The following ZNF432 variants were observed in gnomAD, a reference collection of about 807,000 sequenced individuals.
ZNF432 encodes the protein zinc finger protein 432.
A neutral mutation model predicts 13.9 loss-of-function variants in ZNF432; 10 were observed. That is an observed-to-expected ratio of 0.72 (90% CI 0.44 to 1.22). The LOEUF is 1.22. Among genes scored for constraint, ZNF432 ranks in the 50% most tolerant of loss-of-function variants. ZNF432 has a pLI of 0.00. For synonymous variants in ZNF432, 247 were observed against 256.2 expected, an observed-to-expected ratio of 0.96 and a Z score of 0.34; for missense variants, 793 against 796.2, an observed-to-expected ratio of 1.00 and a Z score of 0.05.
intron 1 of ZNF432, among the ~76,000 whole-genome samples, chr19:52,047,687 ATGTT>A (rs1456077448): frequency 6.7e-6 from 1 of 148,284 alleles, no homozygotes; most frequent in Admixed American, 6.7e-5. Context: ...AAAAAAAAAA[ATGTT>A]TATATACACA....
At chr19:52,041,699 C>A in intron 2 of ZNF432, 93 bp from the exon 3 acceptor site, 2 of 1,453,344 alleles carry the variant, frequency 1.4e-6, no homozygotes, top group South Asian at 1.2e-5. Context: ...TCACATTAAA[C>A]ATATAGACTG....
rs1310245488 is a variant in ZNF432, at chr19:52,034,815, G to A, written c.864C>T (p.Pro288=). ...EHQRTHTGEK[P]YICNECGKGF... is the part of the protein sequence containing the mutation. The stretch of plus-strand genomic sequence containing the variant: ...CTTTTCCACATTCATTGCATATGTA[G>A]GGTTTCTCTCCAGTATGAGTTCGCT... The change falls in exon 5 of 5, where the codon CCC becomes CCT. Residue 288 remains proline (P), a synonymous_variant. Coordinates refer to ENST00000221315, the MANE Select transcript of ZNF432 (RefSeq NM_014650.4). The A allele has an allele frequency of 6.2e-7, 1 of 1,612,776 alleles. No individual in the cohort carries two copies. The highest frequency in any genetic ancestry group is 8.5e-7 in the Non-Finnish European group (1 of 1,179,388).
intron 2 of ZNF432, among the ~76,000 whole-genome samples, chr19:52,043,782 G>A (rs1021310660): frequency 2.2e-4 from 34 of 152,330 alleles, no homozygotes; most frequent in East Asian, 1.2e-3. Flanking sequence ...ATGTGTATGC[G>A]TATCTAAAAG....
chr19:52,046,683 C>T (rs963730979), intron 2 of ZNF432, among the ~76,000 whole-genome samples, 171 bp downstream of exon 2: 64 of 152,308 alleles, frequency 4.2e-4, no homozygotes, highest in African/African-American at 1.4e-3. Context: ...TATTTTCCAA[C>T]ATCAGTCATT....
At chr19:52,046,122 GAT>G (rs2087180481) in intron 2 of ZNF432, among the ~76,000 whole-genome samples, 1 of 151,714 alleles carries the variant, frequency 6.6e-6, no homozygotes, top group Admixed American at 6.6e-5. Flanking sequence ...AATGCAGAAG[GAT>G]ATTGTATATT....
chr19:52,043,300 A>C (rs1415165586), intron 2 of ZNF432, among the ~76,000 whole-genome samples: 1 of 152,216 alleles, frequency 6.6e-6, no homozygotes, highest in African/African-American at 2.4e-5. Flanking sequence ...TGCTGTGTCA[A>C]ACTCAGGGTT....
chr19:52,041,806 G>A (rs1342258536), intron 2 of ZNF432, among the ~76,000 whole-genome samples, 200 bp from the exon 3 acceptor site: 2 of 151,984 alleles, frequency 1.3e-5, no homozygotes, highest in African/African-American at 2.4e-5. Flanking sequence ...CAAAAATTAA[G>A]GTTTTATATC....
Position 52,033,092 on chromosome 19 carries a change from G to C in ZNF432, c.*628C>G, listed in dbSNP as rs1431611315. On this transcript the variant is annotated 3_prime_UTR_variant, in exon 5 of 5. Coordinates refer to ENST00000221315, the MANE Select transcript of ZNF432 (RefSeq NM_014650.4). ...CTCAGTAAATACTTTTCAAGACATAGTTACTTAGAAAATTTTCAAGACTTT... is the reference window on the plus strand; with the variant it reads ...CTCAGTAAATACTTTTCAAGACATACTTACTTAGAAAATTTTCAAGACTTT... 6.6e-6 allele frequency: 1 copy of C among 152,242 alleles called. No individual in the cohort carries two copies. Among genetic ancestry groups the C allele is most frequent in the Non-Finnish European group, 1.5e-5 (1 of 68,102 alleles). The allele number at this position is 152,242 out of a possible 1,614,324, so 9.4% of individuals were successfully genotyped here. A position where few individuals can be genotyped will look rare whatever the true frequency, so the allele number is the denominator to read the frequency against.
rs143578339 is a variant in ZNF432, at chr19:52,040,499, C to T, written c.227G>A (p.Arg76Gln). 2.2e-5 allele frequency: 35 copies of T among 1,613,924 alleles called. No individual in the cohort carries two copies. The highest frequency in any genetic ancestry group is 1.5e-4 in the African/African-American group (11 of 74,912). The part of the protein sequence containing the change: ...PWTMEDERHS[R>Q]ICPENNEVDD... ...TGCTTCTCACATACCTGGACAGATT[C>T]GACTGTGCCTTTCATCTTCCATTGT... is the stretch of plus-strand genomic sequence containing the variant. The change falls in exon 4 of 5, where the codon CGA (arginine) becomes CAA (glutamine). Residue 76 changes from arginine to glutamine, a missense_variant. Arg to Gln is a conservative substitution (Grantham distance 43). Transcript: ENST00000221315.
At chr19:52,046,519 C>G (rs183026938) in intron 2 of ZNF432, among the ~76,000 whole-genome samples, 4 of 152,118 alleles carry the variant, frequency 2.6e-5, no homozygotes, top group East Asian at 1.9e-4. Flanking sequence ...TTCTTGAGAT[C>G]TAAGTGCCAT....
chr19:52,041,786 A>C (rs1164991796), intron 2 of ZNF432, among the ~76,000 whole-genome samples, 180 bp from the exon 3 acceptor site: 1 of 152,182 alleles, frequency 6.6e-6, no homozygotes, highest in Non-Finnish European at 1.5e-5. Flanking sequence ...ACAGTGCCCC[A>C]TTTGCTCAAC....
chr19:52,032,226 T>C lies in ZNF432; in HGVS notation c.*1494A>G, dbSNP rs2087020848. 6.6e-6 allele frequency: 1 copy of C among 152,022 alleles called. No individual in the cohort carries two copies. Among genetic ancestry groups the C allele is most frequent in the African/African-American group, 2.4e-5 (1 of 41,360 alleles). The allele number at this position is 152,022 out of a possible 1,614,324, so 9.4% of individuals were successfully genotyped here. On this transcript the variant is annotated 3_prime_UTR_variant, in exon 5 of 5. Transcript: ENST00000221315. ...TTATCAGTAAATTGAAAAAAATAAATTTGGGGCCTATAATATGTAAGAACT... is the reference window on the plus strand; with the variant it reads ...TTATCAGTAAATTGAAAAAAATAAACTTGGGGCCTATAATATGTAAGAACT...
chr19:52,048,442 A>G (rs2123167005), intron 1 of ZNF432: 1 of 152,158 alleles, frequency 6.6e-6, no homozygotes, highest in East Asian at 1.9e-4. Flanking sequence ...ACAATCCCTG[A>G]CCTCAGTACT....
In ZNF432 at chr19:52,035,066, G is replaced by A; in HGVS notation, c.613C>T (p.His205Tyr). The change falls in exon 5 of 5, where the codon CAC (histidine) becomes TAC (tyrosine). Residue 205 changes from histidine (H) to tyrosine (Y), a missense_variant. His to Tyr is a moderately conservative substitution (Grantham distance 83, BLOSUM62 2). Coordinates refer to ENST00000221315, the MANE Select transcript of ZNF432 (RefSeq NM_014650.4). ...GCTTTCCCACATTCACTGCATACGTGGTTTTTTTCTATTTCATGAGTTCTC... is the reference window on the plus strand; with the variant it reads ...GCTTTCCCACATTCACTGCATACGTAGTTTTTTTCTATTTCATGAGTTCTC... ...HQRTHEIEKNHVCSECGKAFV... is the reference protein window; with the variant it reads ...HQRTHEIEKNYVCSECGKAFV... The A allele has an allele frequency of 1.2e-6, 2 of 1,613,980 alleles. No homozygotes were observed. The highest frequency in any genetic ancestry group is 1.7e-6 in the Non-Finnish European group (2 of 1,180,002).
At position 52,034,676 on chromosome 19, in the gene ZNF432, G is replaced by GTA; in HGVS notation, c.1001_1002dup (p.His335TyrfsTer51). ...TTCTCTCCTGTATGAGTTCGCTGAT[G>GTA]TATAATAAGCATGCTCTTCCCAGTG... On this transcript the variant is annotated frameshift_variant, in exon 5 of 5. Coordinates refer to ENST00000221315, the MANE Select transcript of ZNF432 (RefSeq NM_014650.4). LOFTEE classifies it low-confidence loss of function (END_TRUNC). The GTA allele has an allele frequency of 6.2e-7, 1 of 1,613,910 alleles. No homozygotes were observed. The highest frequency in any genetic ancestry group is 1.1e-5 in the South Asian group (1 of 91,030).
intron 3 of ZNF432, among the ~76,000 whole-genome samples, chr19:52,041,226 G>C (rs1307603052): frequency 6.6e-6 from 1 of 152,200 alleles, no homozygotes; most frequent in Non-Finnish European, 1.5e-5. Flanking sequence ...GAGGAGGTGT[G>C]TGTAGGTTAT....
At chr19:52,048,381 C>A (rs2087214164) in intron 1 of ZNF432, among the ~76,000 whole-genome samples, 1 of 152,226 alleles carries the variant, frequency 6.6e-6, no homozygotes, top group Admixed American at 6.5e-5. Context: ...CAAAAGCCAC[C>A]CCATCGATTC....
At chr19:52,037,624 C>A (rs2087095322) in intron 4 of ZNF432, among the ~76,000 whole-genome samples, 1 of 151,606 alleles carries the variant, frequency 6.6e-6, no homozygotes, top group Admixed American at 6.6e-5. Context: ...TGGTGAAACA[C>A]AAAATACAAA....
At chr19:52,046,370 A>T (rs2087183420) in intron 2 of ZNF432, among the ~76,000 whole-genome samples, 1 of 152,146 alleles carries the variant, frequency 6.6e-6, no homozygotes, top group Admixed American at 6.5e-5. Context: ...AACTGTTTCC[A>T]CTGAGTTTGC....
Sources: allele counts gnomAD v4.1 joint callset (sites outside exome capture counted in the v4.1 genomes callset), GRCh38; gene constraint gnomAD v4.1.1; transcripts MANE v1.5; gene names NCBI Gene and HGNC (gene_info 2026-07-23, HGNC 2026-07-21).